GPHN: variants seen among roughly 807,000 people sequenced by gnomAD.
The protein encoded by GPHN is gephyrin.
A neutral mutation model predicts 95.5 loss-of-function variants in GPHN; 17 were observed. That is an observed-to-expected ratio of 0.18 (90% CI 0.12 to 0.27). The LOEUF (loss-of-function observed/expected upper bound fraction) is 0.27. Ranked by LOEUF, GPHN falls within the 10% of genes least tolerant of loss-of-function variation. The probability of loss-of-function intolerance (pLI) is 1.00; values close to 1 mark genes in which losing one functional copy is unlikely to be tolerated. For missense variants in GPHN, 660 were observed against 978.1 expected, an observed-to-expected ratio of 0.67 and a Z score of 4.34; for synonymous variants, 320 against 322.5, an observed-to-expected ratio of 0.99 and a Z score of 0.08.
the GPHN span, among the ~76,000 whole-genome samples, chr14:67,350,443 G>T: frequency 6.6e-6 from 1 of 152,316 alleles, no homozygotes; most frequent in Non-Finnish European, 1.5e-5. Flanking sequence ...ATTACATGTG[G>T]AAGATGACAG....
chr14:67,575,416 G>T, the GPHN span: 1 of 1,609,856 alleles, frequency 6.2e-7, no homozygotes, highest in African/African-American at 1.3e-5. Flanking sequence ...CTCCAAGGTG[G>T]TCTGGTGCGC....
At chr14:66,879,918 C>A in intron 4 of GPHN, 21 bp from the exon 5 acceptor site, 2 of 1,488,996 alleles carry the variant, frequency 1.3e-6, no homozygotes, top group Non-Finnish European at 1.9e-6. Flanking sequence ...ACTCAGTCTG[C>A]TATTTAATCT....
chr14:67,576,267 C>T, the GPHN span: 1 of 633,576 alleles, frequency 1.6e-6, no homozygotes, highest in Non-Finnish European at 2.7e-6. This position sits in a 1 kb window ranked among gnomAD's most constrained non-coding sequence, Gnocchi z 4.0. Context: ...TCCAGGTAGC[C>T]CTGACTCATG....
intron 11 of GPHN, among the ~76,000 whole-genome samples, chr14:67,067,103 A>G (rs1482528800): frequency 3.9e-5 from 6 of 152,190 alleles, no homozygotes; most frequent in African/African-American, 1.4e-4. Context: ...GGTGACCTAC[A>G]GATGGGGTTT....
intron 11 of GPHN, among the ~76,000 whole-genome samples, chr14:67,076,035 A>G (rs879446714): frequency 2.0e-5 from 3 of 152,178 alleles, no homozygotes; most frequent in Admixed American, 2.0e-4. Context: ...ACAGCATTGC[A>G]TGCTACAGAG....
chr14:66,621,155 T>G (rs1012359858), intron 1 of GPHN, among the ~76,000 whole-genome samples: 7 of 150,550 alleles, frequency 4.6e-5, no homozygotes, highest in Non-Finnish European at 8.9e-5. Flanking sequence ...TTTTGTATTT[T>G]TAGTAGAGAT....
intron 2 of GPHN, among the ~76,000 whole-genome samples, chr14:66,754,574 A>G (rs1372896570): frequency 6.6e-6 from 1 of 151,968 alleles, no homozygotes; most frequent in Non-Finnish European, 1.5e-5. Flanking sequence ...AAGGTTTTCT[A>G]GAGTAATATA....
chr14:66,918,523 A>G (rs113530999), intron 6 of GPHN, among the ~76,000 whole-genome samples: 2,303 of 152,268 alleles, frequency 0.015, 33 homozygotes, highest in Non-Finnish European at 0.018. Flanking sequence ...CCACAAGATT[A>G]TTTAATAGAC....
At chr14:67,336,463 T>TACA in the GPHN span, 1 of 265,284 alleles carries the variant, frequency 3.8e-6, no homozygotes, top group South Asian at 4.0e-5. Context: ...ACAAGGCCAA[T>TACA]ACATTCCAGG....
intron 10 of GPHN, among the ~76,000 whole-genome samples, chr14:67,048,773 C>G (rs1052648013): frequency 2.0e-5 from 3 of 152,162 alleles, no homozygotes; most frequent in Non-Finnish European, 4.4e-5. Flanking sequence ...TGAGTATTCT[C>G]TTGAATGCTA....
chr14:66,528,429 G>C (rs776349246), intron 1 of GPHN, among the ~76,000 whole-genome samples: 1 of 152,164 alleles, frequency 6.6e-6, no homozygotes, highest in Non-Finnish European at 1.5e-5. Flanking sequence ...GTGGCAGTCT[G>C]TGTCTTTTAA....
At chr14:66,984,637 A>C (rs1298465634) in intron 9 of GPHN, among the ~76,000 whole-genome samples, 1 of 152,182 alleles carries the variant, frequency 6.6e-6, no homozygotes, top group Non-Finnish European at 1.5e-5. Context: ...AGGAAATAAA[A>C]TTTTATAGGA....
intron 1 of GPHN, among the ~76,000 whole-genome samples, chr14:66,640,663 G>C (rs2064343740): frequency 6.6e-6 from 1 of 151,968 alleles, no homozygotes; most frequent in African/African-American, 2.4e-5. Context: ...ACATCACCTT[G>C]GATTTAATAC....
the GPHN span, among the ~76,000 whole-genome samples, chr14:67,304,603 A>G: frequency 6.6e-6 from 1 of 152,222 alleles, no homozygotes; most frequent in African/African-American, 2.4e-5. Context: ...ATAGGAGAGA[A>G]AGCAGATTAG....
chr14:67,525,371 A>T, the GPHN span, among the ~76,000 whole-genome samples: 2 of 152,326 alleles, frequency 1.3e-5, no homozygotes, highest in South Asian at 4.1e-4. Context: ...ATACATTTTG[A>T]TGGCTGCATA....
the GPHN span, among the ~76,000 whole-genome samples, chr14:67,699,995 C>T: frequency 6.6e-6 from 1 of 151,774 alleles, no homozygotes; most frequent in South Asian, 2.1e-4. Flanking sequence ...CAAAAATCAG[C>T]TGGGCGTGGT....
At chr14:67,027,920 A>C (rs1019785829) in intron 10 of GPHN, among the ~76,000 whole-genome samples, 21 of 152,192 alleles carry the variant, frequency 1.4e-4, no homozygotes, top group Non-Finnish European at 2.5e-4. Context: ...TTTGAAATAT[A>C]CAATACATTG....
chr14:66,748,959 T>G lies in GPHN; in HGVS notation c.144-27505T>G, dbSNP rs552825681. ...GCTTCAGAATACTCAAACTGTAGTA[T>G]AATCTAGAGTAGTTCCACTGCCCTA... is the stretch of plus-strand genomic sequence containing the variant. On this transcript the variant is annotated intron_variant, in intron 2 of 22. Transcript: ENST00000478722. Among the ~76,000 whole-genome samples the G allele has an allele frequency of 7.9e-5, 12 of 152,080 alleles. No homozygotes were observed. In the South Asian group the frequency reaches 2.5e-3, roughly 32 times the overall value.
intron 12 of GPHN, among the ~76,000 whole-genome samples, chr14:67,092,684 A>G (rs1381905152): frequency 3.9e-5 from 6 of 152,154 alleles, no homozygotes; most frequent in Non-Finnish European, 8.8e-5. Context: ...AACATTAAGA[A>G]AGAATAGAAT....
Sources: allele counts gnomAD v4.1 joint callset (sites outside exome capture counted in the v4.1 genomes callset), GRCh38; gene constraint gnomAD v4.1.1; non-coding constraint Gnocchi (gnomAD v3.1); transcripts MANE v1.5; gene names NCBI Gene and HGNC (gene_info 2026-07-23, HGNC 2026-07-21).